Variants in JPH2 observed in about 807,000 individuals in gnomAD.
JPH2 encodes the protein junctophilin-2.
Under a neutral mutation model 55.9 loss-of-function variants are expected in JPH2, and 38 were observed. That is an observed-to-expected ratio of 0.68 (90% CI 0.52 to 0.89). JPH2 has a LOEUF of 0.89. JPH2 is among the 40% of genes least tolerant of loss of function. The probability of loss-of-function intolerance (pLI) is 0.00; values close to 1 mark genes in which losing one functional copy is unlikely to be tolerated. For missense variants in JPH2, 964 were observed against 1,037.6 expected, an observed-to-expected ratio of 0.93 and a Z score of 0.97; for synonymous variants, 480 against 472.4, an observed-to-expected ratio of 1.02 and a Z score of -0.21.
chr20:44,149,271 C>T (rs1284995976), intron 2 of JPH2, among the ~76,000 whole-genome samples: 3 of 152,234 alleles, frequency 2.0e-5, no homozygotes, highest in Non-Finnish European at 2.9e-5. Context: ...TCCTCACTGA[C>T]GCCCAGCCTA....
At position 44,160,176 on chromosome 20, in the gene JPH2, A is replaced by C. The variant is rs1369796322; in HGVS notation, c.611T>G (p.Leu204Arg). Residue 204 changes from leucine (L) to arginine (R), a missense_variant, in exon 2 of 6, where the codon CTC becomes CGC. Transcript: ENST00000372980. This position sits in a 1 kb window ranked among gnomAD's most constrained non-coding sequence, Gnocchi z 4.9. Reference sequence around the variant, plus strand: ...CGCGGCCGCCTCGGCATTGGCCAGGAGGCTGAGCGCGAAGCCGCCACGCGG... The same window carrying C: ...CGCGGCCGCCTCGGCATTGGCCAGGCGGCTGAGCGCGAAGCCGCCACGCGG... Reference protein sequence around the residue: ...AIPRGGFALSLLANAEAAARA... With the variant: ...AIPRGGFALSRLANAEAAARA... 1.1e-5 allele frequency: 16 copies of C among 1,408,326 alleles called. No individual in the cohort carries two copies. Among genetic ancestry groups the C allele is most frequent in the Non-Finnish European group, 1.2e-5 (13 of 1,091,114 alleles). 87.2% of individuals were successfully genotyped at this position (1,408,326 alleles called of 1,614,324 possible). A position where few individuals can be genotyped will look rare whatever the true frequency, so the allele number is the denominator to read the frequency against.
chr20:44,140,269 G>C (rs1280076896), intron 2 of JPH2, among the ~76,000 whole-genome samples: 1 of 152,200 alleles, frequency 6.6e-6, no homozygotes, highest in African/African-American at 2.4e-5. Context: ...TCCCAGCTGG[G>C]TGGTCAGGGA....
Position 44,113,192 on chromosome 20 carries a change from T to G in JPH2, c.*326A>C, listed in dbSNP as rs914743560. Reference sequence around the variant, plus strand: ...ACAAAAGCCCAGGGAGGGGACAACCTAGGGAAAGGCAAGGGAGTGGAGGAG... The same window carrying G: ...ACAAAAGCCCAGGGAGGGGACAACCGAGGGAAAGGCAAGGGAGTGGAGGAG... On this transcript the variant is annotated 3_prime_UTR_variant, in exon 6 of 6. Coordinates refer to ENST00000372980, the MANE Select transcript of JPH2 (RefSeq NM_020433.5). The G allele has an allele frequency of 2.0e-5, 3 of 152,456 alleles. No homozygotes were observed. The highest frequency in any genetic ancestry group is 2.0e-4 in the Admixed American group (3 of 15,294). 9.4% of individuals were successfully genotyped at this position (152,456 alleles called of 1,614,324 possible). A position where few individuals can be genotyped will look rare whatever the true frequency, so the allele number is the denominator to read the frequency against.
intron 2 of JPH2, among the ~76,000 whole-genome samples, chr20:44,120,168 A>G (rs2072225408): frequency 6.6e-6 from 1 of 152,084 alleles, no homozygotes; most frequent in Admixed American, 6.5e-5. Context: ...CTCTACTTCT[A>G]GGGAATCTAA....
At chr20:44,122,038 A>C (rs1248924583) in intron 2 of JPH2, among the ~76,000 whole-genome samples, 2 of 152,168 alleles carry the variant, frequency 1.3e-5, no homozygotes, top group Non-Finnish European at 2.9e-5. Context: ...ATAGCTAGTA[A>C]GTACCAGAGT....
At position 44,115,863 on chromosome 20, in the gene JPH2, C is replaced by A. The variant is rs780290036; in HGVS notation, c.1812G>T (p.Leu604=). The A allele has an allele frequency of 1.8e-5, 29 of 1,587,410 alleles. No homozygotes were observed. Among genetic ancestry groups the A allele is most frequent in the Admixed American group, 3.4e-5 (2 of 58,924 alleles). ...CGGGGCCTCGGAGCGTGGGGGCCTG[C>A]AGCGGGGCGGTGGCCGGGGACGAGG... ...SAPSSPATAP[L]QAPTLRGPEP... is the part of the protein sequence containing the mutation. Residue 604 remains leucine, a synonymous_variant, in exon 4 of 6, where the codon CTG becomes CTT. Coordinates refer to ENST00000372980, the MANE Select transcript of JPH2 (RefSeq NM_020433.5).
intron 2 of JPH2, among the ~76,000 whole-genome samples, chr20:44,149,900 C>T (rs1051093090): frequency 6.9e-6 from 1 of 144,846 alleles, no homozygotes; most frequent in Non-Finnish European, 1.5e-5. Context: ...ATTGTTTGAA[C>T]CTGGGAGGCA....
chr20:44,114,716 C>A, intron 5 of JPH2, 66 bp downstream of exon 5: 1 of 1,204,012 alleles, frequency 8.3e-7, no homozygotes, highest in Non-Finnish European at 1.2e-6. Flanking sequence ...CCTCCCACCA[C>A]CCTGGTGCTC....
chr20:44,176,312 A>G (rs2072732365), intron 1 of JPH2, among the ~76,000 whole-genome samples: 1 of 137,254 alleles, frequency 7.3e-6, no homozygotes, highest in Non-Finnish European at 1.5e-5. Flanking sequence ...GTCAGATCCT[A>G]TCTGTCTTTT....
At chr20:44,168,281 G>T (rs142012052) in intron 1 of JPH2, among the ~76,000 whole-genome samples, 23 of 152,288 alleles carry the variant, frequency 1.5e-4, no homozygotes, top group African/African-American at 5.5e-4. Context: ...GGAATACTCA[G>T]ATTTTGAATA....
At chr20:44,147,959 T>C (rs894733150) in intron 2 of JPH2, among the ~76,000 whole-genome samples, 1 of 152,096 alleles carries the variant, frequency 6.6e-6, no homozygotes, top group African/African-American at 2.4e-5. Flanking sequence ...GGTCAGGAAT[T>C]CAAGATCAGC....
In JPH2 at chr20:44,108,495, C is replaced by T. The variant is rs1240726018; in HGVS notation, c.*5023G>A. 4.6e-5 allele frequency among the ~76,000 whole-genome samples: 7 copies of T among 151,988 alleles called. No homozygotes were observed. The highest frequency in any genetic ancestry group is 4.6e-4 in the Admixed American group (7 of 15,246). The stretch of plus-strand genomic sequence containing the variant: ...TCTGAAGGGAGAGGGGGAGATTGTT[C>T]CCTCAGACTTTGCTGACTTTACAGC... On this transcript the variant is annotated 3_prime_UTR_variant, in exon 6 of 6. Coordinates refer to ENST00000372980, the MANE Select transcript of JPH2 (RefSeq NM_020433.5).
In JPH2 at chr20:44,146,102, C is replaced by T. The variant is rs148731557; in HGVS notation, c.1169+13516G>A. ...AGGCTACAGTGCAGTGGTGCCATCT[C>T]GGCTCACTGCAAGCTCCGCCTCCCG... is the stretch of plus-strand genomic sequence containing the variant. On this transcript the variant is annotated intron_variant, in intron 2 of 5. Transcript: ENST00000372980. Among the ~76,000 whole-genome samples, 1,228 of 150,856 alleles carry T rather than the reference C, an allele frequency of 8.1e-3. 22 individuals carry two copies. The highest frequency in any genetic ancestry group is 0.028 in the African/African-American group (1,134 of 40,968).
chr20:44,162,377 A>T (rs1416191202), intron 1 of JPH2, among the ~76,000 whole-genome samples: 2 of 151,986 alleles, frequency 1.3e-5, no homozygotes, highest in African/African-American at 4.8e-5. Context: ...GTTAATACTG[A>T]GTATTAGCTT....
At chr20:44,132,355 G>A (rs910055) in intron 2 of JPH2, among the ~76,000 whole-genome samples, 1 of 101,220 alleles carries the variant, frequency 9.9e-6, no homozygotes, top group Non-Finnish European at 2.1e-5. Context: ...CAGACAGACA[G>A]ACACACACAC....
intron 1 of JPH2, among the ~76,000 whole-genome samples, chr20:44,161,685 C>T (rs1403328858): frequency 6.6e-6 from 1 of 152,106 alleles, no homozygotes; most frequent in African/African-American, 2.4e-5. Context: ...GTTGTGCTCA[C>T]GTGTGAGGTC....
intron 2 of JPH2, among the ~76,000 whole-genome samples, chr20:44,145,765 G>A (rs557095150): frequency 2.1e-4 from 32 of 151,980 alleles, no homozygotes; most frequent in Non-Finnish European, 4.0e-4. Context: ...GAGGCTTCAC[G>A]AGAGCCTCCC....
chr20:44,178,431 A>T (rs1281830201), intron 1 of JPH2, among the ~76,000 whole-genome samples: 1 of 152,238 alleles, frequency 6.6e-6, no homozygotes, highest in Non-Finnish European at 1.5e-5. Context: ...TGCTGCGTGA[A>T]ATTAAAGAAA....
chr20:44,116,613 G>C lies in JPH2; in HGVS notation c.1289-227C>G, dbSNP rs78017683. Among the ~76,000 whole-genome samples the C allele has an allele frequency of 8.3e-4, 127 of 152,312 alleles. 1 individual carries two copies. In the East Asian group the frequency reaches 0.022, roughly 26 times the overall value. ...ACTGTGAACCTCAAAGGGAGGCTCT[G>C]AGAGGTTAAATCACTTGCCCAAAGA... is the stretch of plus-strand genomic sequence containing the variant. On this transcript the variant is annotated intron_variant, in intron 3 of 5. Coordinates refer to ENST00000372980, the MANE Select transcript of JPH2 (RefSeq NM_020433.5).
Sources: gnomAD v4.1 joint callset for allele counts (sites outside exome capture counted in the v4.1 genomes callset) on GRCh38, gnomAD v4.1.1 for gene constraint, Gnocchi (gnomAD v3.1) non-coding constraint, MANE v1.5 for transcripts, NCBI Gene and HGNC (gene_info 2026-07-23, HGNC 2026-07-21) for gene names.